The following SIK2 variants were observed in gnomAD, a reference collection of about 807,000 sequenced individuals.
SIK2 encodes salt inducible kinase 2.
SIK2 carries 29 observed loss-of-function variants against 103.2 expected under a neutral mutation model. That is an observed-to-expected ratio of 0.28 (90% confidence interval 0.21 to 0.38). The LOEUF is 0.38. Among genes scored for constraint, SIK2 ranks in the 10% least tolerant of loss-of-function variants. The pLI is 1.00. For missense variants in SIK2, 879 were observed against 1,171.0 expected (o/e 0.75, Z 3.64); for synonymous variants, 412 against 446.1 (o/e 0.92, Z 0.96).
At chr11:111,664,234 G>A (rs1427377184) in intron 3 of SIK2, among the ~76,000 whole-genome samples, 1 of 152,166 alleles carries the variant, frequency 6.6e-6, no homozygotes, top group Non-Finnish European at 1.5e-5. Context: ...AGTTTTGGGG[G>A]GCAAATCGTG....
chr11:111,726,900 G>A lies in SIK2; in HGVS notation c.*2771G>A, dbSNP rs534100716. 81 of 1,521,782 alleles carry A rather than the reference G, an allele frequency of 5.3e-5. No individual in the cohort carries two copies. The South Asian group carries it at 7.1e-4, about 13-fold the overall frequency. 94.3% of individuals were successfully genotyped at this position (1,521,782 alleles called of 1,614,324 possible). On this transcript the variant is annotated 3_prime_UTR_variant, in exon 15 of 15. Coordinates refer to ENST00000304987, the MANE Select transcript of SIK2 (RefSeq NM_015191.3). Reference sequence around the variant, plus strand: ...GAGATGAACGTGAGGTAAAAATTTCGTTCGGCAAAAAGTGCAATATGTGTG... The same window carrying A: ...GAGATGAACGTGAGGTAAAAATTTCATTCGGCAAAAAGTGCAATATGTGTG...
chr11:111,680,430 T>G (rs1380273830), intron 3 of SIK2, among the ~76,000 whole-genome samples: 1 of 152,188 alleles, frequency 6.6e-6, no homozygotes, highest in Non-Finnish European at 1.5e-5. Flanking sequence ...AAAAGATTCT[T>G]TAAGCATAAA....
rs190863575 is a variant in SIK2, at chr11:111,606,513, A to G, written c.135+3815A>G. ...AACCTAGGCGTTTTGTTTATTATAT[A>G]TAACTTTATAAAAACATTTTTGTTA... On this transcript the variant is annotated intron_variant, in intron 1 of 14. Transcript: ENST00000304987. Among the ~76,000 whole-genome samples the G allele has an allele frequency of 1.6e-3, 248 of 152,232 alleles. 1 individual carries two copies. The highest frequency in any genetic ancestry group is 2.5e-3 in the Non-Finnish European group (170 of 67,994).
In SIK2 at chr11:111,616,482, T is replaced by A. The variant is rs183506712; in HGVS notation, c.252+123T>A. 6.1e-6 allele frequency: 4 copies of A among 650,472 alleles called. No homozygotes were observed. The African/African-American group carries it at 7.3e-5, about 12-fold the overall frequency. 40.3% of individuals were successfully genotyped at this position (650,472 alleles called of 1,614,324 possible). On this transcript the variant is annotated intron_variant, in intron 2 of 14. Coordinates refer to ENST00000304987, the MANE Select transcript of SIK2 (RefSeq NM_015191.3). ...AAAGAAAATAAATGTATGCTATTTG[T>A]TACTAAGTACACCATTTTTCTATAT...
At chr11:111,614,045 C>T (rs567131171) in intron 1 of SIK2, among the ~76,000 whole-genome samples, 47 of 150,062 alleles carry the variant, frequency 3.1e-4, no homozygotes, top group Middle Eastern at 3.6e-3. Flanking sequence ...TGACCCCCCT[C>T]GGGGGTCAGT....
chr11:111,650,976 A>G (rs2135863570), intron 3 of SIK2, among the ~76,000 whole-genome samples: 1 of 152,314 alleles, frequency 6.6e-6, no homozygotes, highest in African/African-American at 2.4e-5. Context: ...ACATGAAAAT[A>G]AAAATGATTT....
Position 111,721,656 on chromosome 11 carries a change from A to G in SIK2, c.1945-174A>G, listed in dbSNP as rs554048428. On this transcript the variant is annotated intron_variant, in intron 12 of 14. Coordinates refer to ENST00000304987, the MANE Select transcript of SIK2 (RefSeq NM_015191.3). ...TTAACTAGAGATAATACATGCATAAATGTTCTGCAGAGTAATGAGCCCTCA... is the reference window on the plus strand; with the variant it reads ...TTAACTAGAGATAATACATGCATAAGTGTTCTGCAGAGTAATGAGCCCTCA... 5.3e-5 allele frequency among the ~76,000 whole-genome samples: 8 copies of G among 152,304 alleles called. No individual in the cohort carries two copies. The South Asian group carries it at 1.0e-3, about 20-fold the overall frequency.
intron 12 of SIK2, 24 bp from the exon 13 acceptor site, chr11:111,721,806 T>G: frequency 6.4e-7 from 1 of 1,572,418 alleles, no homozygotes; most frequent in Non-Finnish European, 8.6e-7. Flanking sequence ...AATTGAAAAT[T>G]GTTTCCACCC....
intron 1 of SIK2, among the ~76,000 whole-genome samples, chr11:111,607,123 T>C (rs1941659352): frequency 6.6e-6 from 1 of 152,136 alleles, no homozygotes; most frequent in African/African-American, 2.4e-5. Flanking sequence ...TGTAAATGTA[T>C]AGTCTGTGGA....
chr11:111,722,626 G>A lies in SIK2; in HGVS notation c.2056-39G>A. ...TCTGATGACTGCATCCTAGGTGACA[G>A]CACATTGTCACGCTCATGTTGTTTT... is the stretch of plus-strand genomic sequence containing the variant. On this transcript the variant is annotated intron_variant, in intron 13 of 14. Transcript: ENST00000304987. This position sits in a 1 kb window ranked among gnomAD's most constrained non-coding sequence, Gnocchi z 4.4. The A allele has an allele frequency of 6.3e-7, 1 of 1,577,070 alleles. No homozygotes were observed. Among genetic ancestry groups the A allele is most frequent in the Non-Finnish European group, 8.7e-7 (1 of 1,149,738 alleles).
intron 1 of SIK2, among the ~76,000 whole-genome samples, chr11:111,611,086 A>ATGTGTGTG (rs113893092): frequency 2.3e-4 from 21 of 89,762 alleles, no homozygotes; most frequent in African/African-American, 5.2e-4. Flanking sequence ...TCTCGACCAA[A>ATGTGTGTG]TGTGTGTGTG....
intron 8 of SIK2, among the ~76,000 whole-genome samples, chr11:111,711,892 T>C (rs1565382005): frequency 1.3e-5 from 2 of 152,266 alleles, no homozygotes; most frequent in Non-Finnish European, 2.9e-5. Flanking sequence ...GAGACAAATA[T>C]GTTTGTTGAA....
rs1241536733 is a variant in SIK2, at chr11:111,729,745, C to T, written c.*5616C>T. 1 of 152,294 alleles carries T rather than the reference C, an allele frequency of 6.6e-6. No individual in the cohort carries two copies. Among genetic ancestry groups the T allele is most frequent in the East Asian group, 1.9e-4 (1 of 5,204 alleles). 9.4% of individuals were successfully genotyped at this position (152,294 alleles called of 1,614,324 possible). On this transcript the variant is annotated 3_prime_UTR_variant, in exon 15 of 15. Transcript: ENST00000304987. ...ACAACCTTATTCTCCACTCAACAGC[C>T]GCCTGGCTTTGGGGAAGAGGCCGCC...
At chr11:111,686,932 G>A (rs779562073) in intron 3 of SIK2, among the ~76,000 whole-genome samples, 13 of 152,198 alleles carry the variant, frequency 8.5e-5, no homozygotes, top group Non-Finnish European at 1.8e-4. Flanking sequence ...GCTACTTCCA[G>A]TTATCACCAT....
At chr11:111,659,400 G>T (rs1303974523) in intron 3 of SIK2, among the ~76,000 whole-genome samples, 1 of 152,178 alleles carries the variant, frequency 6.6e-6, no homozygotes, top group Admixed American at 6.5e-5. Flanking sequence ...ACAGTGTAAG[G>T]TTACAAAGAT....
In SIK2 at chr11:111,667,131, T is replaced by A. The variant is rs112752650; in HGVS notation, c.317-20870T>A. ...TACTGGCTAATTTTTGTATTTTTAG[T>A]AGAGATGGGGTTTCGACATGTTGGC... On this transcript the variant is annotated intron_variant, in intron 3 of 14. Coordinates refer to ENST00000304987, the MANE Select transcript of SIK2 (RefSeq NM_015191.3). 1.2e-4 allele frequency among the ~76,000 whole-genome samples: 19 copies of A among 152,022 alleles called. 2 individuals are homozygous for A. Among genetic ancestry groups the A allele is most frequent in the African/African-American group, 4.1e-4 (17 of 41,480 alleles).
intron 8 of SIK2, among the ~76,000 whole-genome samples, chr11:111,708,792 T>TGA (rs1248478677): frequency 6.6e-6 from 1 of 152,074 alleles, no homozygotes; most frequent in Admixed American, 6.5e-5. Context: ...CTTGCAATGT[T>TGA]GCCTAGGCTG....
chr11:111,602,746 A>G lies in SIK2; in HGVS notation c.135+48A>G. 1 of 1,451,222 alleles carries G rather than the reference A, an allele frequency of 6.9e-7. No homozygotes were observed. The highest frequency in any genetic ancestry group is 9.1e-7 in the Non-Finnish European group (1 of 1,101,066). The allele number at this position is 1,451,222 out of a possible 1,614,324, so 89.9% of individuals were successfully genotyped here. On this transcript the variant is annotated intron_variant, in intron 1 of 14. Coordinates refer to ENST00000304987, the MANE Select transcript of SIK2 (RefSeq NM_015191.3). This position sits in a 1 kb window ranked among gnomAD's most constrained non-coding sequence, Gnocchi z 4.5. ...AGCGTCCGAGGCGAGGGTTCGGGAG[A>G]GGAGCTGCTTACCGAGAGGGGCGGC...
rs188626384 is a variant in SIK2 at position 111,711,410 on chromosome 11, C to T, written c.1102-801C>T. On this transcript the variant is annotated intron_variant, in intron 8 of 14. Coordinates refer to ENST00000304987, the MANE Select transcript of SIK2 (RefSeq NM_015191.3). The stretch of plus-strand genomic sequence containing the variant: ...TGCTGGGATTACAGGCATGAGCCAC[C>T]GCGCCTGGCCTTAAATGATTTTTTA... 7.9e-5 allele frequency among the ~76,000 whole-genome samples: 12 copies of T among 152,222 alleles called. No individual in the cohort carries two copies. In the East Asian group the frequency reaches 1.7e-3, roughly 22 times the overall value.
Sources: allele counts gnomAD v4.1 joint callset (sites outside exome capture counted in the v4.1 genomes callset), GRCh38; gene constraint gnomAD v4.1.1; non-coding constraint Gnocchi (gnomAD v3.1); transcripts MANE v1.5; gene names NCBI Gene and HGNC (gene_info 2026-07-23, HGNC 2026-07-21).